Variants in GPC6 observed in about 807,000 individuals in gnomAD.
GPC6 encodes glypican 6.
In GPC6, 14 loss-of-function variants were observed where a neutral mutation model predicts 55.2. The observed-to-expected ratio is 0.25, with a 90% CI of 0.17 to 0.40. The LOEUF is 0.40. GPC6 is among the 10% of genes least tolerant of loss of function. The pLI, the probability that GPC6 is intolerant of heterozygous loss-of-function variation, is 1.00. For missense variants in GPC6, 641 were observed against 708.5 expected, an observed-to-expected ratio of 0.90 and a Z score of 1.08; for synonymous variants, 278 against 259.6, an observed-to-expected ratio of 1.07 and a Z score of -0.68.
intron 1 of GPC6, among the ~76,000 whole-genome samples, chr13:93,406,258 C>G (rs919768987): frequency 1.3e-4 from 20 of 152,152 alleles, no homozygotes; most frequent in African/African-American, 4.6e-4. Flanking sequence ...ACTTCTCAAG[C>G]AAAATTGTTG....
chr13:93,571,395 T>G (rs1277648400), intron 2 of GPC6, among the ~76,000 whole-genome samples: 1 of 152,180 alleles, frequency 6.6e-6, no homozygotes, highest in Non-Finnish European at 1.5e-5. Flanking sequence ...AAATCTTGTT[T>G]TAATTATCTC....
chr13:94,037,655 C>G (rs1315224770), intron 4 of GPC6, among the ~76,000 whole-genome samples: 1 of 151,890 alleles, frequency 6.6e-6, no homozygotes, highest in Admixed American at 6.6e-5. Context: ...ATTTCAGTGA[C>G]CTGTTCAAGG....
chr13:93,718,064 TA>T (rs1483389240), intron 2 of GPC6, among the ~76,000 whole-genome samples: 1 of 151,892 alleles, frequency 6.6e-6, no homozygotes, highest in Non-Finnish European at 1.5e-5. Flanking sequence ...AATGCTGCAA[TA>T]AACATACGTA....
At chr13:94,049,660 A>G (rs1883867996) in intron 4 of GPC6, among the ~76,000 whole-genome samples, 1 of 152,004 alleles carries the variant, frequency 6.6e-6, no homozygotes, top group Non-Finnish European at 1.5e-5. Flanking sequence ...CTCAAAATGC[A>G]CCTTCTTAGT....
intron 3 of GPC6, among the ~76,000 whole-genome samples, chr13:93,968,127 C>T (rs866097603): frequency 1.3e-5 from 2 of 152,028 alleles, no homozygotes; most frequent in South Asian, 2.1e-4. Context: ...CAATATAAGG[C>T]GTAGCTTTAC....
chr13:94,261,873 C>T (rs537717982), intron 4 of GPC6, among the ~76,000 whole-genome samples: 1 of 152,314 alleles, frequency 6.6e-6, no homozygotes, highest in Non-Finnish European at 1.5e-5. Flanking sequence ...GGGAGACAAA[C>T]AAGACCTGGA....
intron 3 of GPC6, among the ~76,000 whole-genome samples, chr13:93,974,145 C>A (rs1398936562): frequency 6.6e-6 from 1 of 152,186 alleles, no homozygotes; most frequent in Admixed American, 6.5e-5. Context: ...TTGGCAGGTT[C>A]CCCTGCCCCA....
chr13:93,843,264 A>G (rs962275112), intron 3 of GPC6, among the ~76,000 whole-genome samples: 3 of 152,110 alleles, frequency 2.0e-5, no homozygotes, highest in African/African-American at 7.2e-5. Flanking sequence ...ATGTGTGTGC[A>G]TGTTTAGCCT....
chr13:94,192,570 A>G (rs911887529), intron 4 of GPC6, among the ~76,000 whole-genome samples: 17 of 152,222 alleles, frequency 1.1e-4, no homozygotes, highest in African/African-American at 3.6e-4. Context: ...TGCATTTCCC[A>G]TGCTATGAGG....
chr13:93,938,100 T>C (rs117010294), intron 3 of GPC6, among the ~76,000 whole-genome samples: 3,669 of 152,308 alleles, frequency 0.024, 56 homozygotes, highest in Middle Eastern at 0.051. Context: ...AAGACAGTTT[T>C]CTTGGCAATG....
intron 2 of GPC6, among the ~76,000 whole-genome samples, chr13:93,573,148 G>A (rs1876487850): frequency 6.6e-6 from 1 of 152,036 alleles, no homozygotes; most frequent in Non-Finnish European, 1.5e-5. Context: ...GGGAAAAAAA[G>A]ACAAAGATCC....
At position 93,875,891 on chromosome 13, in the gene GPC6, G is replaced by T. The variant is rs114882447; in HGVS notation, c.711+45346G>T. On this transcript the variant is annotated intron_variant, in intron 3 of 8. Coordinates refer to ENST00000377047, the MANE Select transcript of GPC6 (RefSeq NM_005708.5). ...CATGGCAGTACTGAATGGGTCTTGT[G>T]AGGAAGGCTGGTGTCAAAATTAATA... Among the ~76,000 whole-genome samples, 706 of 152,170 alleles carry T rather than the reference G, an allele frequency of 4.6e-3. 7 individuals are homozygous for T. The highest frequency in any genetic ancestry group is 0.016 in the African/African-American group (677 of 41,556).
intron 1 of GPC6, among the ~76,000 whole-genome samples, chr13:93,282,159 A>T (rs1877972949): frequency 6.6e-6 from 1 of 152,166 alleles, no homozygotes; most frequent in Non-Finnish European, 1.5e-5. Context: ...ATTTCTTGGG[A>T]CCAAATGTTT....
chr13:93,273,485 C>T (rs1410542860), intron 1 of GPC6, among the ~76,000 whole-genome samples: 7 of 152,132 alleles, frequency 4.6e-5, no homozygotes, highest in Admixed American at 2.0e-4. Context: ...GGTGAAACCC[C>T]GTCTCTACTA....
intron 3 of GPC6, among the ~76,000 whole-genome samples, chr13:93,848,140 C>A (rs1283657009): frequency 6.6e-6 from 1 of 152,096 alleles, no homozygotes; most frequent in African/African-American, 2.4e-5. Flanking sequence ...AGTCAAAAAT[C>A]TTTTTGAGAG....
intron 1 of GPC6, among the ~76,000 whole-genome samples, chr13:93,344,153 A>G (rs1159035008): frequency 1.3e-5 from 2 of 152,174 alleles, no homozygotes; most frequent in East Asian, 1.9e-4. Context: ...TCCCAGCCCT[A>G]AAGGGATCAT....
At chr13:94,343,513 G>A (rs544680987) in intron 6 of GPC6, among the ~76,000 whole-genome samples, 33 of 152,236 alleles carry the variant, frequency 2.2e-4, no homozygotes, top group African/African-American at 6.7e-4. Flanking sequence ...TTCCTTTCAC[G>A]TCAGCATCCT....
chr13:94,346,035 G>A (rs1012312713), intron 6 of GPC6, among the ~76,000 whole-genome samples: 6 of 152,088 alleles, frequency 3.9e-5, no homozygotes, highest in Non-Finnish European at 8.8e-5. Context: ...TGCAGCTGTA[G>A]CACTTGAGCC....
chr13:94,372,759 C>T (rs931702966), intron 6 of GPC6, among the ~76,000 whole-genome samples: 10 of 152,316 alleles, frequency 6.6e-5, no homozygotes, highest in African/African-American at 2.4e-4. Context: ...CCTCTGGGGG[C>T]AGGGCACAAA....
Sources: allele counts gnomAD v4.1 joint callset (sites outside exome capture counted in the v4.1 genomes callset), GRCh38; gene constraint gnomAD v4.1.1; transcripts MANE v1.5; gene names NCBI Gene and HGNC (gene_info 2026-07-23, HGNC 2026-07-21).